Variants in PDZD2 observed in about 807,000 individuals in gnomAD.
The protein encoded by PDZD2 is PDZ domain-containing protein 2.
Under a neutral mutation model 220.7 loss-of-function variants are expected in PDZD2, and 90 were observed. That is an observed-to-expected ratio of 0.41 (90% CI 0.34 to 0.49). The LOEUF is 0.49. Ranked by LOEUF, PDZD2 falls within the 20% of genes least tolerant of loss-of-function variation. The pLI is 0.28. For missense variants in PDZD2, 3,174 were observed against 3,608.5 expected, an observed-to-expected ratio of 0.88 and a Z score of 3.08; for synonymous variants, 1,375 against 1,450.5, an observed-to-expected ratio of 0.95 and a Z score of 1.18.
At chr5:32,091,242 T>A in intron 20 of PDZD2, 67 bp downstream of exon 20, 2 of 1,257,356 alleles carry the variant, frequency 1.6e-6, no homozygotes, top group Non-Finnish European at 2.2e-6. Context: ...TTTAGATTTA[T>A]AGAAAAGTTG....
intron 2 of PDZD2, among the ~76,000 whole-genome samples, chr5:31,973,574 G>T (rs1020117018): frequency 6.6e-5 from 10 of 152,206 alleles, no homozygotes; most frequent in African/African-American, 2.4e-4. Context: ...AAAGGTGGAG[G>T]ATGGACACTT....
In PDZD2 at chr5:31,794,733, T is replaced by A. The variant is rs192366465; in HGVS notation, c.-360-4156T>A. ...ATAGTTGGTTTCTTTTAAAAAATTT[T>A]TTTTTATTTTTAATTTTTGTGGGTA... is the stretch of plus-strand genomic sequence containing the variant. On this transcript the variant is annotated intron_variant, in intron 1 of 24. Coordinates refer to ENST00000438447, the MANE Select transcript of PDZD2 (RefSeq NM_178140.4). 3.9e-5 allele frequency among the ~76,000 whole-genome samples: 6 copies of A among 152,284 alleles called. No individual in the cohort carries two copies. In the East Asian group the frequency reaches 1.2e-3, roughly 29 times the overall value.
chr5:31,910,410 CTTT>C (rs3037132), intron 2 of PDZD2, among the ~76,000 whole-genome samples: 7 of 133,112 alleles, frequency 5.3e-5, no homozygotes, highest in African/African-American at 5.6e-5. Flanking sequence ...CTTTTCCTTT[CTTT>C]TTTTTTTTTT....
At chr5:31,667,992 G>T (rs1746068983) in intron 1 of PDZD2, among the ~76,000 whole-genome samples, 1 of 150,194 alleles carries the variant, frequency 6.7e-6, no homozygotes, top group Admixed American at 6.7e-5. Context: ...CTCCCAAGTA[G>T]CTGGGACTAC....
At chr5:31,795,205 G>A (rs1337788179) in intron 1 of PDZD2, among the ~76,000 whole-genome samples, 1 of 152,132 alleles carries the variant, frequency 6.6e-6, no homozygotes, top group African/African-American at 2.4e-5. Flanking sequence ...GGAGGAGGAG[G>A]ATCTGCTAAC....
intron 1 of PDZD2, among the ~76,000 whole-genome samples, chr5:31,750,808 A>G (rs1750912315): frequency 6.6e-6 from 1 of 152,140 alleles, no homozygotes; most frequent in East Asian, 1.9e-4. Context: ...TACCTGATTG[A>G]CTGTGGCTGG....
At chr5:31,693,495 C>G (rs113734992) in intron 1 of PDZD2, among the ~76,000 whole-genome samples, 2,263 of 152,160 alleles carry the variant, frequency 0.015, 69 homozygotes, top group African/African-American at 0.051. Context: ...CCACCTCGGC[C>G]TTCCAAAGTG....
intron 21 of PDZD2, among the ~76,000 whole-genome samples, chr5:32,094,896 T>G (rs944058291): frequency 6.6e-6 from 1 of 151,882 alleles, no homozygotes; most frequent in Admixed American, 6.6e-5. Context: ...AAACAAAATG[T>G]CTTGAGATGC....
chr5:31,964,798 C>G (rs1748571250), intron 2 of PDZD2, among the ~76,000 whole-genome samples: 1 of 152,240 alleles, frequency 6.6e-6, no homozygotes, highest in African/African-American at 2.4e-5. Context: ...TCACTGCAAG[C>G]TCCGCCTCCC....
chr5:31,782,930 T>C (rs569213293), intron 1 of PDZD2, among the ~76,000 whole-genome samples: 1 of 152,094 alleles, frequency 6.6e-6, no homozygotes, highest in African/African-American at 2.4e-5. Context: ...GCCAGGCTGC[T>C]TTTGAACTCC....
chr5:31,986,779 T>C (rs1750758051), intron 3 of PDZD2, among the ~76,000 whole-genome samples: 1 of 152,198 alleles, frequency 6.6e-6, no homozygotes. Flanking sequence ...AAAGAGCTCA[T>C]AATCATTCAG....
At position 31,968,841 on chromosome 5, in the gene PDZD2, G is replaced by A. The variant is rs77086198; in HGVS notation, c.477-14314G>A. On this transcript the variant is annotated intron_variant, in intron 2 of 24. Coordinates refer to ENST00000438447, the MANE Select transcript of PDZD2 (RefSeq NM_178140.4). The stretch of plus-strand genomic sequence containing the variant: ...CCGGAACTGTGAGAAATAAATTTCC[G>A]TTGTTAATAAGCTACCCAGCCTACA... 1.8e-3 allele frequency among the ~76,000 whole-genome samples: 248 copies of A among 140,716 alleles called. 2 individuals carry two copies. Among genetic ancestry groups the A allele is most frequent in the East Asian group, 0.011 (54 of 4,726 alleles). 92.3% of individuals were successfully genotyped at this position (140,716 alleles called of 152,430 possible).
At chr5:31,816,287 C>CAAAAAAAAAAAAAAAAAAAAAAA (rs34233316) in intron 2 of PDZD2, among the ~76,000 whole-genome samples, 64 of 98,892 alleles carry the variant, frequency 6.5e-4, no homozygotes, top group Non-Finnish European at 9.1e-4. Flanking sequence ...GACTCCATCT[C>CAAAAAAAAAAAAAAAAAAAAAAA]AAAAAAAAAA....
At chr5:31,874,598 T>A (rs1739137996) in intron 2 of PDZD2, among the ~76,000 whole-genome samples, 1 of 151,868 alleles carries the variant, frequency 6.6e-6, no homozygotes, top group Non-Finnish European at 1.5e-5. Flanking sequence ...CCATCTCTAC[T>A]AAAAGTAAAA....
intron 6 of PDZD2, 59 bp downstream of exon 6, chr5:32,010,541 C>A: frequency 7.9e-7 from 1 of 1,260,596 alleles, no homozygotes; most frequent in Non-Finnish European, 1.2e-6. Flanking sequence ...AAGTCCTGGG[C>A]GCCAGGATTA....
At chr5:31,768,546 G>A (rs1752158133) in intron 1 of PDZD2, among the ~76,000 whole-genome samples, 1 of 151,434 alleles carries the variant, frequency 6.6e-6, no homozygotes, top group African/African-American at 2.4e-5. Flanking sequence ...GGAGGCTGAA[G>A]CAAGAGAATT....
chr5:32,100,551 G>A, intron 23 of PDZD2: 1 of 331,658 alleles, frequency 3.0e-6, no homozygotes, highest in Non-Finnish European at 5.9e-6. Flanking sequence ...CAGGGGCAGG[G>A]TTTCCCTTTG....
In PDZD2 at chr5:32,088,442, C is replaced by T. The variant is rs1370030150; in HGVS notation, c.4994C>T (p.Pro1665Leu). The change falls in exon 20 of 25, where the codon CCA becomes CTA. Residue 1665 changes from proline to leucine, a missense_variant. Pro to Leu is a moderately conservative substitution (Grantham distance 98, BLOSUM62 -3). This residue lies in a region of PDZD2 where 1,861 missense variants were observed against 2,001.0 expected (regional missense o/e 0.93). Coordinates refer to ENST00000438447, the MANE Select transcript of PDZD2 (RefSeq NM_178140.4). This position sits in a 1 kb window ranked among gnomAD's most constrained non-coding sequence, Gnocchi z 4.6. ...SYTSGPDSSQ[P>L]SSLLEMSSQE... The stretch of plus-strand genomic sequence containing the variant: ...ACTTCAGGCCCAGACTCTTCCCAGC[C>T]ATCATCACTCTTGGAGATGAGCTCT... The T allele has an allele frequency of 1.9e-6, 3 of 1,613,960 alleles. No homozygotes were observed. Among genetic ancestry groups the T allele is most frequent in the Non-Finnish European group, 2.5e-6 (3 of 1,179,984 alleles).
At chr5:31,969,249 G>T (rs1174677114) in intron 2 of PDZD2, among the ~76,000 whole-genome samples, 1 of 152,054 alleles carries the variant, frequency 6.6e-6, no homozygotes, top group East Asian at 1.9e-4. Context: ...GCTCATGCCT[G>T]TAATCTCAGC....
Sources: gnomAD v4.1 joint callset for allele counts (sites outside exome capture counted in the v4.1 genomes callset) on GRCh38, gnomAD v4.1.1 for gene constraint, gnomAD v4.1.1 regional missense constraint, Gnocchi (gnomAD v3.1) non-coding constraint, MANE v1.5 for transcripts, NCBI Gene and HGNC (gene_info 2026-07-23, HGNC 2026-07-21) for gene names.